The following SORCS2 variants were observed in gnomAD, a reference collection of about 807,000 sequenced individuals.
SORCS2 encodes the protein sortilin related VPS10 domain containing receptor 2.
Under a neutral mutation model 141.6 loss-of-function variants are expected in SORCS2, and 100 were observed. The observed-to-expected ratio is 0.71, with a 90% CI of 0.60 to 0.83. SORCS2 has a LOEUF of 0.83. SORCS2 is among the 40% of genes least tolerant of loss of function. The pLI is 0.00. For synonymous variants in SORCS2, 789 were observed against 676.9 expected, an observed-to-expected ratio of 1.17 and a Z score of -2.57; for missense variants, 1,646 against 1,560.2, an observed-to-expected ratio of 1.05 and a Z score of -0.93.
Position 7,434,172 on chromosome 4 carries a change from G to C in SORCS2, c.548+37817G>C, listed in dbSNP as rs760489709. Reference sequence around the variant, plus strand: ...GCGGGGGGAGAAGCCTCAGTGCTTGGTCAGCAGGGACAAAAAACTGGAAGA... The same window carrying C: ...GCGGGGGGAGAAGCCTCAGTGCTTGCTCAGCAGGGACAAAAAACTGGAAGA... On this transcript the variant is annotated intron_variant, in intron 2 of 26. Transcript: ENST00000507866. The C allele has an allele frequency of 1.9e-6, 3 of 1,613,918 alleles. No homozygotes were observed. The South Asian group carries it at 3.3e-5, about 18-fold the overall frequency.
intron 2 of SORCS2, among the ~76,000 whole-genome samples, chr4:7,457,853 T>C (rs1243895676): frequency 1.3e-5 from 2 of 152,222 alleles, no homozygotes; most frequent in African/African-American, 4.8e-5. Context: ...TTTTAGTTTT[T>C]TGAGCTGACA....
At position 7,612,641 on chromosome 4, in the gene SORCS2, G is replaced by C. The variant is rs559769212; in HGVS notation, c.649-25687G>C. ...CTGGGTGTGCTCGGCTCCTGCAGGA[G>C]CTCTTGCCACCTGCCTCAGCCTTCT... is the stretch of plus-strand genomic sequence containing the variant. On this transcript the variant is annotated intron_variant, in intron 3 of 26. Transcript: ENST00000507866. Among the ~76,000 whole-genome samples the C allele has an allele frequency of 2.6e-5, 4 of 152,334 alleles. No individual in the cohort carries two copies. In the East Asian group the frequency reaches 5.8e-4, roughly 22 times the overall value.
intron 3 of SORCS2, among the ~76,000 whole-genome samples, chr4:7,608,078 A>C (rs912383095): frequency 6.6e-6 from 1 of 152,064 alleles, no homozygotes. Context: ...ACAGTGCCCA[A>C]TAGTCAGCAC....
chr4:7,627,012 G>T (rs928499622), intron 3 of SORCS2, among the ~76,000 whole-genome samples: 2 of 151,908 alleles, frequency 1.3e-5, no homozygotes, highest in African/African-American at 4.8e-5. Flanking sequence ...TTGAGACAGG[G>T]TCTGGCTCTT....
At chr4:7,367,408 A>G (rs1721962146) in intron 1 of SORCS2, among the ~76,000 whole-genome samples, 1 of 152,226 alleles carries the variant, frequency 6.6e-6, no homozygotes, top group Non-Finnish European at 1.5e-5. Context: ...TGGGTAAGTC[A>G]TGTAATGTCT....
intron 3 of SORCS2, among the ~76,000 whole-genome samples, chr4:7,579,683 C>T (rs930656343): frequency 6.6e-6 from 1 of 152,142 alleles, no homozygotes; most frequent in Non-Finnish European, 1.5e-5. Flanking sequence ...TCAGTGGGTG[C>T]TTGTTCTGCT....
chr4:7,297,401 G>T (rs1420506250), intron 1 of SORCS2, among the ~76,000 whole-genome samples: 1 of 152,010 alleles, frequency 6.6e-6, no homozygotes, highest in Non-Finnish European at 1.5e-5. Flanking sequence ...TTTTTCTGCA[G>T]GCCCCCGCCC....
intron 1 of SORCS2, among the ~76,000 whole-genome samples, chr4:7,209,364 C>T (rs527660299): frequency 2.8e-4 from 43 of 152,190 alleles, no homozygotes; most frequent in Non-Finnish European, 5.4e-4. Context: ...TTCTGGATGG[C>T]CTGGCCCATT....
rs1716366087 is a variant in SORCS2, at chr4:7,288,357, T to A, written c.480+95231T>A. On this transcript the variant is annotated intron_variant, in intron 1 of 26. Transcript: ENST00000507866. ...TTGTTTTGGAGGCTATAGAGGCCCA[T>A]AGGGGAGTGAGGGGCTCTGTATTTG... Among the ~76,000 whole-genome samples, 4 of 151,812 alleles carry A rather than the reference T, an allele frequency of 2.6e-5. No homozygotes were observed. The South Asian group carries it at 6.3e-4, about 24-fold the overall frequency.
At chr4:7,708,352 G>C (rs553041327) in intron 14 of SORCS2, among the ~76,000 whole-genome samples, 2 of 152,284 alleles carry the variant, frequency 1.3e-5, no homozygotes, top group Admixed American at 1.3e-4. Flanking sequence ...GGATGCTTGG[G>C]ACAGCTCTGC....
intron 3 of SORCS2, among the ~76,000 whole-genome samples, chr4:7,536,823 A>G (rs1263915433): frequency 3.7e-5 from 3 of 81,350 alleles, no homozygotes; most frequent in Non-Finnish European, 5.0e-5. Context: ...ATGTCCCCAT[A>G]CTCAGATGTG....
At chr4:7,500,336 C>A (rs760251924) in intron 2 of SORCS2, among the ~76,000 whole-genome samples, 4 of 152,158 alleles carry the variant, frequency 2.6e-5, no homozygotes, top group East Asian at 3.9e-4. Context: ...TGCTCTGTGC[C>A]GGCTCTTGGA....
intron 2 of SORCS2, among the ~76,000 whole-genome samples, chr4:7,480,889 A>T (rs1237446473): frequency 6.6e-6 from 1 of 152,258 alleles, no homozygotes; most frequent in East Asian, 1.9e-4. Context: ...TATTTCATTG[A>T]CGAAATGAGT....
intron 1 of SORCS2, among the ~76,000 whole-genome samples, chr4:7,268,097 G>T (rs1028841701): frequency 6.6e-6 from 1 of 152,192 alleles, no homozygotes; most frequent in African/African-American, 2.4e-5. Context: ...GGTGGGCCCC[G>T]GGCCCCTGGA....
rs188083323 is a variant in SORCS2 at position 7,649,856 on chromosome 4, G to A, written c.814-4278G>A. 2.9e-3 allele frequency among the ~76,000 whole-genome samples: 446 copies of A among 152,286 alleles called. 4 individuals are homozygous for A. Among genetic ancestry groups the A allele is most frequent in the South Asian group, 6.4e-3 (31 of 4,816 alleles). Reference sequence around the variant, plus strand: ...CAACAGCAGTGACATCCATGATGTCGTTGGTTCGTCATAAGGTGGTGCCCG... The same window carrying A: ...CAACAGCAGTGACATCCATGATGTCATTGGTTCGTCATAAGGTGGTGCCCG... On this transcript the variant is annotated intron_variant, in intron 4 of 26. Transcript: ENST00000507866.
intron 3 of SORCS2, among the ~76,000 whole-genome samples, chr4:7,542,175 C>T (rs1712730256): frequency 6.6e-6 from 1 of 152,202 alleles, no homozygotes; most frequent in Non-Finnish European, 1.5e-5. Context: ...GGGGGGTGTT[C>T]CTGCCCCGCC....
chr4:7,440,399 A>G (rs4689748), intron 2 of SORCS2, among the ~76,000 whole-genome samples: 76,551 of 152,162 alleles, frequency 0.5, 19,372 homozygotes, highest in South Asian at 0.62. Context: ...GAGCACGAAT[A>G]GGAACAACAT....
chr4:7,702,505 C>T (rs897911079), intron 12 of SORCS2, among the ~76,000 whole-genome samples: 7 of 152,246 alleles, frequency 4.6e-5, no homozygotes, highest in Non-Finnish European at 8.8e-5. Context: ...AATGGGACCC[C>T]ATCCTGGGGC....
At chr4:7,679,658 G>C (rs1231764424) in intron 9 of SORCS2, among the ~76,000 whole-genome samples, 1 of 152,178 alleles carries the variant, frequency 6.6e-6, no homozygotes, top group Non-Finnish European at 1.5e-5. Context: ...GGAGTCTGCA[G>C]AGGGAGCGCA....
Sources: gnomAD v4.1 joint callset for allele counts (sites outside exome capture counted in the v4.1 genomes callset) on GRCh38, gnomAD v4.1.1 for gene constraint, MANE v1.5 for transcripts, NCBI Gene and HGNC (gene_info 2026-07-23, HGNC 2026-07-21) for gene names.